CARD8: variants seen among roughly 807,000 people sequenced by gnomAD.
CARD8 encodes the protein caspase recruitment domain family member 8.
Under a neutral mutation model 53.2 loss-of-function variants are expected in CARD8, and 38 were observed. That is an observed-to-expected ratio of 0.71 (90% confidence interval 0.55 to 0.94). The LOEUF (loss-of-function observed/expected upper bound fraction) is 0.94. Among genes scored for constraint, CARD8 ranks in the 40% least tolerant of loss-of-function variants. The pLI is 0.00. For missense variants in CARD8, 561 were observed against 655.5 expected, an observed-to-expected ratio of 0.86 and a Z score of 1.57; for synonymous variants, 245 against 244.9, an observed-to-expected ratio of 1.00 and a Z score of 0.00.
chr19:48,232,704 T>C (rs1383338150), intron 6 of CARD8: 9 of 676,784 alleles, frequency 1.3e-5, no homozygotes, highest in Non-Finnish European at 2.2e-5. Context: ...AACAGCTACA[T>C]ATCACTCACG....
intron 3 of CARD8, among the ~76,000 whole-genome samples, chr19:48,248,499 A>C (rs1463795613): frequency 1.3e-5 from 2 of 152,268 alleles, no homozygotes; most frequent in Non-Finnish European, 2.9e-5. Flanking sequence ...GTTAAAATTC[A>C]CTAGTAATCA....
chr19:48,234,569 C>T (rs777378379), intron 5 of CARD8, 26 bp from the exon 6 acceptor site: 3 of 1,604,326 alleles, frequency 1.9e-6, no homozygotes, highest in African/African-American at 2.7e-5. Context: ...AGAATTTTTA[C>T]TATGAATATA....
In CARD8 at chr19:48,249,055, T is replaced by C. The variant is rs532246074; in HGVS notation, c.-44+468A>G. ...CTACTAAAAATACAAAAATTAGTCGTGCGTGGTGGCGGGCGCCTGTCACCC... is the reference window on the plus strand; with the variant it reads ...CTACTAAAAATACAAAAATTAGTCGCGCGTGGTGGCGGGCGCCTGTCACCC... On this transcript the variant is annotated intron_variant, in intron 3 of 13. Coordinates refer to ENST00000651546, the MANE Select transcript of CARD8 (RefSeq NM_001184900.3). Among the ~76,000 whole-genome samples the C allele has an allele frequency of 1.1e-3, 174 of 151,932 alleles. 1 individual carries two copies. Among genetic ancestry groups the C allele is most frequent in the Non-Finnish European group, 1.9e-3 (132 of 67,986 alleles).
intron 10 of CARD8, among the ~76,000 whole-genome samples, chr19:48,227,611 TG>T (rs1156889010): frequency 1.3e-5 from 2 of 151,970 alleles, no homozygotes; most frequent in Admixed American, 6.6e-5. Context: ...AAGACCAGCC[TG>T]TCCAACACTG....
At chr19:48,221,880 T>C (rs774221552) in intron 10 of CARD8, 25 bp from the exon 11 acceptor site, 2 of 1,552,910 alleles carry the variant, frequency 1.3e-6, no homozygotes, top group South Asian at 1.2e-5. Context: ...GCAGAAACAT[T>C]AGAGAGCACA....
At chr19:48,229,161 G>T (rs1018889368) in intron 10 of CARD8, among the ~76,000 whole-genome samples, 2 of 152,044 alleles carry the variant, frequency 1.3e-5, no homozygotes, top group African/African-American at 4.8e-5. Context: ...GAAAAGAAAA[G>T]AAAAAGAACA....
chr19:48,232,197 A>G, intron 7 of CARD8: 1 of 584,798 alleles, frequency 1.7e-6, no homozygotes, highest in Non-Finnish European at 3.0e-6. Context: ...CAGAGGCGAA[A>G]GAGCGTGCAT....
downstream of CARD8, among the ~76,000 whole-genome samples, chr19:48,207,734 G>GTTTTTTTTTGTTTTT (rs2037429691): frequency 8.6e-6 from 1 of 116,552 alleles, no homozygotes; most frequent in African/African-American, 3.7e-5. Flanking sequence ...TTGTTTTTCT[G>GTTTTTTTTTGTTTTT]TTTTTTTTTT....
At position 48,230,868 on chromosome 19, in the gene CARD8, C is replaced by T. The variant is rs761405892; in HGVS notation, c.681G>A (p.Gln227=). 3.1e-6 allele frequency: 5 copies of T among 1,614,236 alleles called. No individual in the cohort carries two copies. Among genetic ancestry groups the T allele is most frequent in the Non-Finnish European group, 4.2e-6 (5 of 1,180,048 alleles). The change falls in exon 9 of 14, where the codon CAG becomes CAA. Residue 227 remains glutamine, a synonymous_variant. Coordinates refer to ENST00000651546, the MANE Select transcript of CARD8 (RefSeq NM_001184900.3). ...CAAACAAGGGGCCGCCCACCAGCCA[C>T]TGTTCATGGTGCTGCAGGTCCAGGG... is the stretch of plus-strand genomic sequence containing the variant. ...HLALDLQHHE[Q]WLVGGPLFDV... is the part of the protein sequence containing the mutation.
intron 1 of CARD8, among the ~76,000 whole-genome samples, chr19:48,254,743 T>C (rs2047371445): frequency 6.6e-6 from 1 of 152,114 alleles, no homozygotes; most frequent in African/African-American, 2.4e-5. Context: ...TATGTTAAGA[T>C]AACCCTGACA....
intron 3 of CARD8, among the ~76,000 whole-genome samples, chr19:48,247,719 A>G (rs917943098): frequency 6.6e-6 from 1 of 150,502 alleles, no homozygotes; most frequent in African/African-American, 2.4e-5. Flanking sequence ...GCAAAATTTT[A>G]TATATATATA....
chr19:48,212,067 G>A, intron 13 of CARD8, 92 bp from the exon 14 acceptor site: 3 of 1,211,146 alleles, frequency 2.5e-6, no homozygotes, highest in Non-Finnish European at 3.5e-6. Flanking sequence ...TCAGGGGTGG[G>A]AGATTGCTCC....
intron 3 of CARD8, 99 bp from the exon 4 acceptor site, chr19:48,241,162 G>T: frequency 1.5e-6 from 1 of 677,108 alleles, no homozygotes; most frequent in Non-Finnish European, 2.5e-6. Flanking sequence ...AGCGCTTATT[G>T]CTCATTCACA....
intron 12 of CARD8, among the ~76,000 whole-genome samples, chr19:48,216,385 T>C (rs1376560113): frequency 2.6e-5 from 4 of 152,116 alleles, no homozygotes; most frequent in Admixed American, 1.3e-4. Flanking sequence ...AGCTAAGAAG[T>C]TGCACAAACA....
chr19:48,237,625 C>T (rs532597624), intron 5 of CARD8, among the ~76,000 whole-genome samples: 5 of 151,720 alleles, frequency 3.3e-5, no homozygotes, highest in Non-Finnish European at 5.9e-5. Flanking sequence ...GGTGAAACCC[C>T]GTATCTACTA....
intron 3 of CARD8, among the ~76,000 whole-genome samples, chr19:48,241,957 C>T (rs2045206700): frequency 6.6e-6 from 1 of 152,142 alleles, no homozygotes; most frequent in Non-Finnish European, 1.5e-5. Context: ...GTCATCACCT[C>T]AAAAAGAAAC....
chr19:48,229,285 A>G (rs934465566), intron 10 of CARD8, among the ~76,000 whole-genome samples: 2 of 152,200 alleles, frequency 1.3e-5, no homozygotes, highest in African/African-American at 2.4e-5. Flanking sequence ...TTTCTAGTAT[A>G]TCAATAAGGT....
At chr19:48,251,115 A>G (rs2147103546) in intron 1 of CARD8, among the ~76,000 whole-genome samples, 2 of 152,308 alleles carry the variant, frequency 1.3e-5, no homozygotes, top group East Asian at 3.9e-4. Context: ...ATTCAGGTAT[A>G]GCATGTCGTA....
chr19:48,215,204 A>G lies in CARD8; in HGVS notation c.1348+136T>C, dbSNP rs1250037151. 8.1e-6 allele frequency: 5 copies of G among 619,398 alleles called. No individual in the cohort carries two copies. The African/African-American group carries it at 9.3e-5, about 11-fold the overall frequency. 38.4% of individuals were successfully genotyped at this position (619,398 alleles called of 1,614,324 possible). A position where few individuals can be genotyped will look rare whatever the true frequency, so the allele number is the denominator to read the frequency against. On this transcript the variant is annotated intron_variant, in intron 13 of 13. Transcript: ENST00000651546. The stretch of plus-strand genomic sequence containing the variant: ...CTGTCTTCTAAGGAGGCAAGAATTG[A>G]GGTTGCTGCAGACCTATACGGATTT...
Sources: gnomAD v4.1 joint callset for allele counts (sites outside exome capture counted in the v4.1 genomes callset) on GRCh38, gnomAD v4.1.1 for gene constraint, MANE v1.5 for transcripts, NCBI Gene and HGNC (gene_info 2026-07-23, HGNC 2026-07-21) for gene names.